The following CCL28 variants were observed in gnomAD, a reference collection of about 807,000 sequenced individuals.
The protein encoded by CCL28 is C-C motif chemokine 28.
CCL28 carries 4 observed loss-of-function variants against 7.1 expected under a neutral mutation model. The observed-to-expected ratio is 0.56, with a 90% CI of 0.28 to 1.29. The LOEUF is 1.29. Ranked by LOEUF, CCL28 falls within the 50% of genes most tolerant of loss-of-function variation. The pLI is 0.11. For missense variants in CCL28, 151 were observed against 163.4 expected (o/e 0.92, Z 0.41); for synonymous variants, 55 against 57.8 (o/e 0.95, Z 0.22).
chr5:43,392,331 G>A (rs1404849959), intron 1 of CCL28, among the ~76,000 whole-genome samples: 1 of 152,068 alleles, frequency 6.6e-6, no homozygotes, highest in Non-Finnish European at 1.5e-5. Flanking sequence ...TGACCAGGCT[G>A]GTCTTGAACT....
chr5:43,401,604 A>G (rs975524445), intron 1 of CCL28, among the ~76,000 whole-genome samples: 2 of 152,142 alleles, frequency 1.3e-5, no homozygotes, highest in African/African-American at 4.8e-5. Flanking sequence ...TATTGTGAAG[A>G]TTGCATGAGT....
Position 43,381,968 on chromosome 5 carries a change from T to C in CCL28, c.276A>G (p.Lys92=), listed in dbSNP as rs1209862668. ...KQWMKVQAAK[K]NGKGNVCHRK... The stretch of plus-strand genomic sequence containing the variant: ...TGTGGCAAACATTTCCTTTACCATT[T>C]TTCTTGGCAGCTTGCACTTTCATCC... The change falls in exon 3 of 3, where the codon AAA becomes AAG. Residue 92 remains lysine, a synonymous_variant. Transcript: ENST00000361115. 1 of 1,614,206 alleles carries C rather than the reference T, an allele frequency of 6.2e-7. No homozygotes were observed. The highest frequency in any genetic ancestry group is 8.5e-7 in the Non-Finnish European group (1 of 1,180,032).
chr5:43,373,676 C>T (rs1041421602), downstream of CCL28, among the ~76,000 whole-genome samples: 1 of 152,156 alleles, frequency 6.6e-6, no homozygotes, highest in Non-Finnish European at 1.5e-5. Context: ...AAAGAATCAA[C>T]AGGGCATCAT....
chr5:43,370,224 G>A, the CCL28 span, among the ~76,000 whole-genome samples: 1 of 152,234 alleles, frequency 6.6e-6, no homozygotes, highest in Non-Finnish European at 1.5e-5. Context: ...TAAATTTTAA[G>A]ATGGTGAGTT....
At position 43,380,827 on chromosome 5, in the gene CCL28, T is replaced by A. The variant is rs539361587; in HGVS notation, c.*1033A>T. 3.1e-4 allele frequency: 46 copies of A among 149,882 alleles called. No homozygotes were observed. The highest frequency in any genetic ancestry group is 1.0e-3 in the African/African-American group (42 of 40,828). 9.3% of individuals were successfully genotyped at this position (149,882 alleles called of 1,614,324 possible). Reference sequence around the variant, plus strand: ...TCCCTCAACAAAATAATTTTAAAAATTAAAAAAAAAAGACAGAGGAACTTT... The same window carrying A: ...TCCCTCAACAAAATAATTTTAAAAAATAAAAAAAAAAGACAGAGGAACTTT... On this transcript the variant is annotated 3_prime_UTR_variant, in exon 3 of 3. Coordinates refer to ENST00000361115, the MANE Select transcript of CCL28 (RefSeq NM_148672.3).
downstream of CCL28, chr5:43,377,491 C>CAAAAAAAAAAAAAAAAAAAAAAAAAAA (rs541924162): frequency 9.8e-6 from 1 of 102,072 alleles, no homozygotes; most frequent in Non-Finnish European, 1.9e-5. Flanking sequence ...GACTCTGTAT[C>CAAAAAAAAAAAAAAAAAAAAAAAAAAA]AAAAAAAAAA....
intron 1 of CCL28, among the ~76,000 whole-genome samples, chr5:43,389,910 C>T (rs1395772458): frequency 6.6e-6 from 1 of 152,112 alleles, no homozygotes; most frequent in African/African-American, 2.4e-5. Context: ...TGGGTAGTTC[C>T]GAATAGGGCA....
At chr5:43,403,552 A>G (rs1167217821) in intron 1 of CCL28, among the ~76,000 whole-genome samples, 1 of 152,156 alleles carries the variant, frequency 6.6e-6, no homozygotes, top group Non-Finnish European at 1.5e-5. Flanking sequence ...AAACCACAAA[A>G]ATGGAGAAAA....
chr5:43,366,728 T>C, the CCL28 span, among the ~76,000 whole-genome samples: 4 of 152,246 alleles, frequency 2.6e-5, no homozygotes, highest in Non-Finnish European at 5.9e-5. Context: ...TGTCTAAGTC[T>C]GCTGAAGCTG....
At chr5:43,402,593 G>A (rs1455250484) in intron 1 of CCL28, among the ~76,000 whole-genome samples, 11 of 152,208 alleles carry the variant, frequency 7.2e-5, no homozygotes, top group African/African-American at 1.9e-4. Flanking sequence ...AGCTCCCAGC[G>A]TGAGCAACAC....
the CCL28 span, among the ~76,000 whole-genome samples, chr5:43,363,595 C>A: frequency 6.6e-6 from 1 of 152,222 alleles, no homozygotes; most frequent in African/African-American, 2.4e-5. Flanking sequence ...TCCCTGGTGT[C>A]AAGCCCGAGT....
chr5:43,398,599 C>A (rs1043060009), intron 1 of CCL28, among the ~76,000 whole-genome samples: 1 of 152,120 alleles, frequency 6.6e-6, no homozygotes, highest in Admixed American at 6.5e-5. Context: ...GCCTGTAATC[C>A]CAGCACTTTG....
intron 1 of CCL28, among the ~76,000 whole-genome samples, chr5:43,407,470 T>TA (rs1437793663): frequency 1.3e-5 from 2 of 152,230 alleles, no homozygotes; most frequent in Non-Finnish European, 2.9e-5. Context: ...ATCCCTTCCT[T>TA]ACACCTTATA....
intron 1 of CCL28, among the ~76,000 whole-genome samples, chr5:43,408,651 G>A (rs1040832714): frequency 6.6e-6 from 1 of 152,022 alleles, no homozygotes; most frequent in African/African-American, 2.4e-5. Context: ...AAAAAAATTG[G>A]TGTGGATGTA....
At chr5:43,396,113 G>A (rs1488681518) in intron 1 of CCL28, among the ~76,000 whole-genome samples, 1 of 151,806 alleles carries the variant, frequency 6.6e-6, no homozygotes, top group Non-Finnish European at 1.5e-5. Context: ...CTCGTGATCC[G>A]CCCGCCTCTG....
chr5:43,367,354 C>T, the CCL28 span, among the ~76,000 whole-genome samples: 1 of 152,202 alleles, frequency 6.6e-6, no homozygotes, highest in African/African-American at 2.4e-5. Flanking sequence ...ACCCAGGGCC[C>T]TGGTGACATA....
At chr5:43,393,353 T>C (rs1225773223) in intron 1 of CCL28, among the ~76,000 whole-genome samples, 1 of 151,592 alleles carries the variant, frequency 6.6e-6, no homozygotes, top group Non-Finnish European at 1.5e-5. Flanking sequence ...TCCGTTTTTT[T>C]TTTTCTTTTC....
chr5:43,407,076 T>A (rs1741313032), intron 1 of CCL28, among the ~76,000 whole-genome samples: 1 of 152,150 alleles, frequency 6.6e-6, no homozygotes, highest in Admixed American at 6.5e-5. Context: ...CCAAGGTAAT[T>A]TATAGATTCA....
At chr5:43,406,638 T>C (rs1237380865) in intron 1 of CCL28, among the ~76,000 whole-genome samples, 1 of 152,204 alleles carries the variant, frequency 6.6e-6, no homozygotes, top group East Asian at 1.9e-4. Context: ...TGTTGGAAGT[T>C]CTGGCCAGGG....
Sources: allele counts gnomAD v4.1 joint callset (sites outside exome capture counted in the v4.1 genomes callset), GRCh38; gene constraint gnomAD v4.1.1; transcripts MANE v1.5; gene names NCBI Gene and HGNC (gene_info 2026-07-23, HGNC 2026-07-21).